Variants in MXD4 observed in about 807,000 individuals in gnomAD.
MXD4 encodes Mad4 homolog.
MXD4 carries 16 observed loss-of-function variants against 24.5 expected under a neutral mutation model. That is an observed-to-expected ratio of 0.65 (90% CI 0.44 to 0.99). MXD4 has a LOEUF of 0.99. Ranked by LOEUF, MXD4 falls within the 50% of genes least tolerant of loss-of-function variation. The probability of loss-of-function intolerance (pLI) is 0.00; values close to 1 mark genes in which losing one functional copy is unlikely to be tolerated. For synonymous variants in MXD4, 164 were observed against 134.2 expected, an observed-to-expected ratio of 1.22 and a Z score of -1.54; for missense variants, 301 against 301.5, an observed-to-expected ratio of 1.00 and a Z score of 0.01.
rs79149764 is a variant in MXD4, at chr4:2,249,721, G to A, written c.*823C>T. ...AGACAGGCAGGACTACTGGGTGGGC[G>A]TGGGTGAGCAGGAGCTAGAGGGGGA... On this transcript the variant is annotated 3_prime_UTR_variant, in exon 6 of 6. Coordinates refer to ENST00000337190, the MANE Select transcript of MXD4 (RefSeq NM_006454.3). The A allele has an allele frequency of 2.1e-3, 316 of 152,420 alleles. 2 individuals are homozygous for A. Among genetic ancestry groups the A allele is most frequent in the Admixed American group, 3.7e-3 (56 of 15,314 alleles). 9.4% of individuals were successfully genotyped at this position (152,420 alleles called of 1,614,324 possible). A position where few individuals can be genotyped will look rare whatever the true frequency, so the allele number is the denominator to read the frequency against.
rs1431389370 is a variant in MXD4 at position 2,250,630 on chromosome 4, C to T, written c.544G>A (p.Asp182Asn). 5.0e-6 allele frequency: 8 copies of T among 1,613,456 alleles called. No individual in the cohort carries two copies. Among genetic ancestry groups the T allele is most frequent in the East Asian group, 2.2e-5 (1 of 44,872 alleles). Residue 182 changes from aspartate (D) to asparagine (N), a missense_variant, in exon 6 of 6, where the codon GAC becomes AAC. Physicochemically the swap from Asp to Asn is conservative, Grantham distance 23 (BLOSUM62 1). Transcript: ENST00000337190. ...DSVGSSSDAD[D>N]HYSLQSGTGG... ...GTGCCACTCTGCAGGCTGTAGTGGT[C>T]GTCCGCGTCACTGCTGCTGCCAACA...
In MXD4 at chr4:2,248,761, C is replaced by T. The variant is rs1479174536; in HGVS notation, c.*1783G>A. The T allele has an allele frequency of 1.3e-5, 2 of 152,316 alleles. No individual in the cohort carries two copies. The highest frequency in any genetic ancestry group is 2.9e-5 in the Non-Finnish European group (2 of 68,108). 9.4% of individuals were successfully genotyped at this position (152,316 alleles called of 1,614,324 possible). ...CAGTGGGCCCCCCATCCTGGGGCGT[C>T]TATGCGTACGACTGAAAATAGACAC... On this transcript the variant is annotated 3_prime_UTR_variant, in exon 6 of 6. Coordinates refer to ENST00000337190, the MANE Select transcript of MXD4 (RefSeq NM_006454.3).
chr4:2,254,576 G>T (rs888325706), intron 3 of MXD4: 8 of 152,156 alleles, frequency 5.3e-5, no homozygotes, highest in African/African-American at 1.9e-4. Context: ...GAGAGACAAA[G>T]AACAAGTAGA....
chr4:2,258,211 C>G (rs1290293268), intron 2 of MXD4, among the ~76,000 whole-genome samples, 200 bp from the exon 3 acceptor site: 1 of 152,136 alleles, frequency 6.6e-6, no homozygotes, highest in Non-Finnish European at 1.5e-5. Context: ...TAAGGGTGGG[C>G]GCTGGTTGTC....
chr4:2,257,122 CGGG>C (rs1735447252), intron 3 of MXD4, among the ~76,000 whole-genome samples: 1 of 152,194 alleles, frequency 6.6e-6, no homozygotes, highest in African/African-American at 2.4e-5. Context: ...GCCTGAATCC[CGGG>C]AGAACGGAAG....
chr4:2,255,097 A>G, intron 3 of MXD4: 2 of 362,470 alleles, frequency 5.5e-6, no homozygotes, highest in Non-Finnish European at 1.1e-5. Flanking sequence ...TGTCCTGTGC[A>G]GTCATCAGGG....
rs1395828115 is a variant in MXD4 at position 2,247,542 on chromosome 4, A to C, written c.*3002T>G. 1 of 152,304 alleles carries C rather than the reference A, an allele frequency of 6.6e-6. No homozygotes were observed. The highest frequency in any genetic ancestry group is 6.5e-5 in the Admixed American group (1 of 15,286). The allele number at this position is 152,304 out of a possible 1,614,324, so 9.4% of individuals were successfully genotyped here. A position where few individuals can be genotyped will look rare whatever the true frequency, so the allele number is the denominator to read the frequency against. On this transcript the variant is annotated 3_prime_UTR_variant, in exon 6 of 6. Transcript: ENST00000337190. ...TCCCCCTCTAGCGCACGCCCCCCTC[A>C]CCGGCACCAGGCCCTCGTGTGGCCC...
intron 4 of MXD4, among the ~76,000 whole-genome samples, chr4:2,251,983 C>T (rs1577818131): frequency 6.6e-6 from 1 of 152,294 alleles, no homozygotes; most frequent in African/African-American, 2.4e-5. Context: ...CCAACCCCAC[C>T]CTGGCACCCC....
intron 5 of MXD4, 121 bp downstream of exon 5, chr4:2,250,963 C>CAGCAGGG: frequency 7.7e-7 from 1 of 1,293,536 alleles, no homozygotes; most frequent in Non-Finnish European, 1.0e-6. Context: ...CACCCCAGTG[C>CAGCAGGG]AGCAGGGAGC....
At chr4:2,252,175 A>T (rs1029834484) in intron 4 of MXD4, among the ~76,000 whole-genome samples, 1 of 151,964 alleles carries the variant, frequency 6.6e-6, no homozygotes, top group Non-Finnish European at 1.5e-5. Flanking sequence ...AGCACCCAAC[A>T]AACCCGACAC....
At chr4:2,251,856 C>T (rs1735330457) in intron 4 of MXD4, among the ~76,000 whole-genome samples, 1 of 152,198 alleles carries the variant, frequency 6.6e-6, no homozygotes. Flanking sequence ...AGAGATTTGC[C>T]CTGGTTGGTC....
chr4:2,252,467 G>A lies in MXD4; in HGVS notation c.250C>T (p.Pro84Ser), dbSNP rs1383438118. 6.2e-6 allele frequency: 10 copies of A among 1,612,026 alleles called. No individual in the cohort carries two copies. Among genetic ancestry groups the A allele is most frequent in the Non-Finnish European group, 8.5e-6 (10 of 1,179,986 alleles). Reference protein sequence around the residue: ...EQLKQLVPLGPDSTRHTTLSL... With the variant: ...EQLKQLVPLGSDSTRHTTLSL... Reference sequence around the variant, plus strand: ...AGCGTGGTGTGGCGGGTGCTGTCGGGGCCCAGGGGCACCAGTTGCTTGAGC... The same window carrying A: ...AGCGTGGTGTGGCGGGTGCTGTCGGAGCCCAGGGGCACCAGTTGCTTGAGC... Residue 84 changes from proline to serine, a missense_variant, in exon 4 of 6, where the codon CCC becomes TCC. Coordinates refer to ENST00000337190, the MANE Select transcript of MXD4 (RefSeq NM_006454.3).
At position 2,261,706 on chromosome 4, in the gene MXD4, C is replaced by A; in HGVS notation, c.164+19G>T. On this transcript the variant is annotated intron_variant, in intron 2 of 5. Transcript: ENST00000337190. ...GGGTTCGGACCGGGCCGGGCGGGGT[C>A]GGGAGCGGGGGGCGGTACCTGTTGT... 1 of 1,309,414 alleles carries A rather than the reference C, an allele frequency of 7.6e-7. No individual in the cohort carries two copies. The highest frequency in any genetic ancestry group is 9.8e-7 in the Non-Finnish European group (1 of 1,017,214). The allele number at this position is 1,309,414 out of a possible 1,614,324, so 81.1% of individuals were successfully genotyped here. A position where few individuals can be genotyped will look rare whatever the true frequency, so the allele number is the denominator to read the frequency against.
Position 2,250,100 on chromosome 4 carries a change from C to T in MXD4, c.*444G>A, listed in dbSNP as rs746016577. On this transcript the variant is annotated 3_prime_UTR_variant, in exon 6 of 6. Transcript: ENST00000337190. ...GTGGACTGACAGGTAGGTGGACAGACGGACGGATGGACAGACAGCCTTGCC... is the reference window on the plus strand; with the variant it reads ...GTGGACTGACAGGTAGGTGGACAGATGGACGGATGGACAGACAGCCTTGCC... The T allele has an allele frequency of 4.0e-5, 7 of 173,914 alleles. No homozygotes were observed. The highest frequency in any genetic ancestry group is 3.3e-4 in the East Asian group (2 of 6,100). 10.8% of individuals were successfully genotyped at this position (173,914 alleles called of 1,614,324 possible). A position where few individuals can be genotyped will look rare whatever the true frequency, so the allele number is the denominator to read the frequency against.
chr4:2,260,771 T>A (rs1457420259), intron 2 of MXD4, among the ~76,000 whole-genome samples: 1 of 152,198 alleles, frequency 6.6e-6, no homozygotes, highest in African/African-American at 2.4e-5. Flanking sequence ...ACCACAGGAA[T>A]GAGCCATGCC....
In MXD4 at chr4:2,261,750, G is replaced by C. The variant is rs1211622575; in HGVS notation, c.139C>G (p.Leu47Val). 7.0e-7 allele frequency: 1 copy of C among 1,427,844 alleles called. No homozygotes were observed. The highest frequency in any genetic ancestry group is 9.2e-7 in the Non-Finnish European group (1 of 1,084,008). The allele number at this position is 1,427,844 out of a possible 1,614,324, so 88.4% of individuals were successfully genotyped here. ...FAREKTKAAGLVRKAPNNRSS... is the reference protein window; with the variant it reads ...FAREKTKAAGVVRKAPNNRSS... ...CTGTTGTTCGGGGCCTTGCGCACCA[G>C]GCCGGCCGCCTTTGTTTTCTCCCTG... Residue 47 changes from leucine to valine, a missense_variant, in exon 2 of 6, where the codon CTG becomes GTG. Leu to Val is a conservative substitution (Grantham distance 32). Transcript: ENST00000337190.
At chr4:2,251,315 G>A (rs1328077078) in intron 4 of MXD4, 69 bp from the exon 5 acceptor site, 1 of 1,459,458 alleles carries the variant, frequency 6.9e-7, no homozygotes, top group Non-Finnish European at 9.1e-7. Context: ...GCCAGGCACT[G>A]GGGCACCCAG....
chr4:2,260,628 G>C (rs756527137), intron 2 of MXD4: 1 of 454,098 alleles, frequency 2.2e-6, no homozygotes, highest in Non-Finnish European at 4.4e-6. Flanking sequence ...GTCCCCAGTA[G>C]GGGACCAGGG....
chr4:2,258,864 G>A (rs1291780246), intron 2 of MXD4: 3 of 455,062 alleles, frequency 6.6e-6, no homozygotes, highest in Admixed American at 2.4e-5. Context: ...TCTGGGGACA[G>A]TGGCCCCACC....
Sources: allele counts gnomAD v4.1 joint callset (sites outside exome capture counted in the v4.1 genomes callset), GRCh38; gene constraint gnomAD v4.1.1; transcripts MANE v1.5; gene names NCBI Gene and HGNC (gene_info 2026-07-23, HGNC 2026-07-21).